The following DNAJC21 variants were observed in gnomAD, a reference collection of about 807,000 sequenced individuals.
DNAJC21 encodes the protein dnaJ homolog subfamily C member 21.
A neutral mutation model predicts 72.4 loss-of-function variants in DNAJC21; 63 were observed. The observed-to-expected ratio is 0.87, with a 90% CI of 0.71 to 1.07. DNAJC21 has a LOEUF of 1.07. Among genes scored for constraint, DNAJC21 ranks in the 50% least tolerant of loss-of-function variants. The probability of loss-of-function intolerance (pLI) is 0.00; values close to 1 mark genes in which losing one functional copy is unlikely to be tolerated. For synonymous variants in DNAJC21, 203 were observed against 216.7 expected (o/e 0.94, Z 0.56); for missense variants, 634 against 644.8 (o/e 0.98, Z 0.18).
intron 6 of DNAJC21, among the ~76,000 whole-genome samples, chr5:34,940,264 A>G (rs960508780): frequency 6.6e-6 from 1 of 152,246 alleles, no homozygotes; most frequent in Non-Finnish European, 1.5e-5. Flanking sequence ...TTTCACATAC[A>G]TGATATATTG....
chr5:34,952,231 A>G, intron 10 of DNAJC21: 4 of 985,086 alleles, frequency 4.1e-6, no homozygotes, highest in Non-Finnish European at 4.8e-6. Flanking sequence ...GATGTTTGCC[A>G]GGAATATTAT....
intron 4 of DNAJC21, 94 bp from the exon 5 acceptor site, chr5:34,937,232 G>C: frequency 7.6e-7 from 1 of 1,316,512 alleles, no homozygotes; most frequent in Non-Finnish European, 1.0e-6. Flanking sequence ...CATGAAAAAA[G>C]AAAGGTAAAA....
chr5:34,956,049 T>C lies in DNAJC21; in HGVS notation c.*1335T>C, dbSNP rs1331204717. 1.2e-4 allele frequency: 12 copies of C among 100,300 alleles called. No individual in the cohort carries two copies. The highest frequency in any genetic ancestry group is 2.2e-4 in the Non-Finnish European group (12 of 53,726). 6.2% of individuals were successfully genotyped at this position (100,300 alleles called of 1,614,324 possible). A position where few individuals can be genotyped will look rare whatever the true frequency, so the allele number is the denominator to read the frequency against. ...GCCTGGGCGACAGAGCGAGACTCCG[T>C]CTCAAAAAAAAAAAAAAAAAAAAAA... On this transcript the variant is annotated 3_prime_UTR_variant, in exon 12 of 12. Coordinates refer to ENST00000648817, the MANE Select transcript of DNAJC21 (RefSeq NM_001012339.3).
chr5:34,938,847 T>G lies in DNAJC21; in HGVS notation c.744-11T>G. 3 of 1,601,968 alleles carry G rather than the reference T, an allele frequency of 1.9e-6. No individual in the cohort carries two copies. The highest frequency in any genetic ancestry group is 2.6e-6 in the Non-Finnish European group (3 of 1,175,534). ...TGCTTGTCGCTGTGAGACTGTGCTG[T>G]ATGTGTCTAGACTGGTGGAGCAGTA... On this transcript the variant is annotated splice_polypyrimidine_tract_variant and intron_variant, in intron 5 of 11. Coordinates refer to ENST00000648817, the MANE Select transcript of DNAJC21 (RefSeq NM_001012339.3).
intron 7 of DNAJC21, among the ~76,000 whole-genome samples, chr5:34,941,838 A>T: frequency 6.6e-6 from 1 of 151,708 alleles, no homozygotes; most frequent in Admixed American, 6.6e-5. Context: ...AAGTGTTGGG[A>T]TTACAGGCGT....
At chr5:34,934,172 A>T in intron 2 of DNAJC21, among the ~76,000 whole-genome samples, 1 of 152,152 alleles carries the variant, frequency 6.6e-6, no homozygotes, top group East Asian at 1.9e-4. Flanking sequence ...GTGACTTCTC[A>T]TTAAATACCC....
rs1260631900 is a variant in DNAJC21, at chr5:34,954,654, A to C, written c.1536A>C (p.Ser512=). ...KATGHARAPS[S]SSLNSATSSQ... ...CAGGTCATGCAAGAGCACCTTCATC[A>C]TCGTCTTTAAACAGCGCAACAAGTA... The change falls in exon 12 of 12, where the codon TCA becomes TCC. Residue 512 remains serine, a synonymous_variant. Transcript: ENST00000648817. 1 of 1,613,648 alleles carries C rather than the reference A, an allele frequency of 6.2e-7. No individual in the cohort carries two copies. The highest frequency in any genetic ancestry group is 1.7e-5 in the Admixed American group (1 of 59,910).
intron 10 of DNAJC21, chr5:34,953,582 G>A: frequency 6.0e-6 from 1 of 165,648 alleles, no homozygotes; most frequent in Non-Finnish European, 1.3e-5. Context: ...TGAAAACACT[G>A]TATAAAACAT....
chr5:34,958,680 C>A lies in DNAJC21; in HGVS notation c.*3966C>A, dbSNP rs978414088. 6.6e-6 allele frequency: 1 copy of A among 152,114 alleles called. No homozygotes were observed. The highest frequency in any genetic ancestry group is 2.4e-5 in the African/African-American group (1 of 41,422). The allele number at this position is 152,114 out of a possible 1,614,324, so 9.4% of individuals were successfully genotyped here. ...GGAATACATTAAAGAAGCAAAAGAA[C>A]CTCATACAAAAGTCATTGAGTAAAT... is the stretch of plus-strand genomic sequence containing the variant. On this transcript the variant is annotated 3_prime_UTR_variant, in exon 12 of 12. Coordinates refer to ENST00000648817, the MANE Select transcript of DNAJC21 (RefSeq NM_001012339.3).
intron 7 of DNAJC21, among the ~76,000 whole-genome samples, chr5:34,943,292 T>G (rs960724366): frequency 9.9e-5 from 15 of 152,244 alleles, no homozygotes; most frequent in African/African-American, 3.6e-4. Context: ...GTTTACATTT[T>G]AGAAGTACAC....
chr5:34,936,353 C>T, intron 4 of DNAJC21, 87 bp downstream of exon 4: 1 of 1,486,062 alleles, frequency 6.7e-7, no homozygotes, highest in South Asian at 1.3e-5. Flanking sequence ...TGGTCTCACT[C>T]TGTCACCCAG....
chr5:34,943,415 CAG>C (rs1422261227), intron 7 of DNAJC21, among the ~76,000 whole-genome samples: 4 of 152,194 alleles, frequency 2.6e-5, no homozygotes, highest in African/African-American at 9.6e-5. Context: ...GTTGTGCTCT[CAG>C]GGATTCATAG....
At chr5:34,953,651 C>T in intron 10 of DNAJC21, 2 of 320,906 alleles carry the variant, frequency 6.2e-6, no homozygotes, top group South Asian at 5.0e-5. Context: ...ATAAAACATT[C>T]AGAGATATTT....
At chr5:34,952,118 A>T (rs1398719385) in intron 10 of DNAJC21, 2 of 968,658 alleles carry the variant, frequency 2.1e-6, no homozygotes, top group Non-Finnish European at 2.4e-6. Context: ...GTGTTTTTTT[A>T]AAAAATGTGT....
chr5:34,945,435 T>C (rs1460991720), intron 8 of DNAJC21, among the ~76,000 whole-genome samples: 2 of 152,200 alleles, frequency 1.3e-5, no homozygotes, highest in East Asian at 3.8e-4. Flanking sequence ...GTCTCCATAT[T>C]TTCTAGTTAA....
In DNAJC21 at chr5:34,950,313, A is replaced by G. The variant is rs145828651; in HGVS notation, c.1329A>G (p.Pro443=). Residue 443 remains proline, a synonymous_variant, in exon 10 of 12, where the codon CCA becomes CCG. Transcript: ENST00000648817. ...ENVSVTEIIK[P]CDDPKSEAKS... is the part of the protein sequence containing the mutation. ...TCAGTGTCACAGAGATCATTAAACC[A>G]TGTGATGATCCAAAAAGTGAAGCTA... 495 of 1,611,122 alleles carry G rather than the reference A, an allele frequency of 3.1e-4. 1 individual carries two copies. In the African/African-American group the frequency reaches 5.9e-3, roughly 19 times the overall value.
At chr5:34,945,187 C>T (rs1368379426) in intron 8 of DNAJC21, among the ~76,000 whole-genome samples, 162 bp downstream of exon 8, 2 of 152,126 alleles carry the variant, frequency 1.3e-5, no homozygotes, top group Non-Finnish European at 2.9e-5. Flanking sequence ...AAGTGATTCT[C>T]CTCCCTCAGC....
chr5:34,955,985 G>A lies in DNAJC21; in HGVS notation c.*1271G>A, dbSNP rs867630693. 1.8e-3 allele frequency: 266 copies of A among 145,936 alleles called. 1 individual carries two copies. The highest frequency in any genetic ancestry group is 6.4e-3 in the African/African-American group (254 of 39,436). The allele number at this position is 145,936 out of a possible 1,614,324, so 9.0% of individuals were successfully genotyped here. A position where few individuals can be genotyped will look rare whatever the true frequency, so the allele number is the denominator to read the frequency against. ...GGAGAATGGCGTGAACCCGGGAGGC[G>A]GAGCTTGCAGTGAGCCGAGATCCCG... On this transcript the variant is annotated 3_prime_UTR_variant, in exon 12 of 12. Transcript: ENST00000648817.
At chr5:34,932,742 G>A (rs1187827911) in intron 1 of DNAJC21, among the ~76,000 whole-genome samples, 1 of 152,222 alleles carries the variant, frequency 6.6e-6, no homozygotes, top group Non-Finnish European at 1.5e-5. Context: ...CCGGCTATTG[G>A]CCTCCTTCAC....
Sources: gnomAD v4.1 joint callset for allele counts (sites outside exome capture counted in the v4.1 genomes callset) on GRCh38, gnomAD v4.1.1 for gene constraint, MANE v1.5 for transcripts, NCBI Gene and HGNC (gene_info 2026-07-23, HGNC 2026-07-21) for gene names.